RIMS2: variants seen among roughly 807,000 people sequenced by gnomAD.
RIMS2 encodes regulating synaptic membrane exocytosis protein 2.
RIMS2 carries 59 observed loss-of-function variants against 174.4 expected under a neutral mutation model. The observed-to-expected ratio is 0.34, with a 90% CI of 0.27 to 0.42. The LOEUF (loss-of-function observed/expected upper bound fraction) is 0.42, where lower values mean the gene tolerates loss of function less well. RIMS2 is among the 10% of genes least tolerant of loss of function. The pLI, the probability that RIMS2 is intolerant of heterozygous loss-of-function variation, is 1.00. For missense variants in RIMS2, 1,620 were observed against 1,666.3 expected, an observed-to-expected ratio of 0.97 and a Z score of 0.48; for synonymous variants, 606 against 572.5, an observed-to-expected ratio of 1.06 and a Z score of -0.84.
rs529732004 is a variant in RIMS2, at chr8:103,564,311, T to A, written c.176+63249T>A. Reference sequence around the variant, plus strand: ...CTTCAAAGTAGTCACTTTGGGAGACTATGGTTTTATTCCAGCCATCTGTCA... The same window carrying A: ...CTTCAAAGTAGTCACTTTGGGAGACAATGGTTTTATTCCAGCCATCTGTCA... On this transcript the variant is annotated intron_variant, in intron 1 of 23. Transcript: ENST00000504942. Among the ~76,000 whole-genome samples the A allele has an allele frequency of 8.5e-5, 13 of 152,306 alleles. No individual in the cohort carries two copies. The East Asian group carries it at 2.3e-3, about 27-fold the overall frequency.
intron 1 of RIMS2, among the ~76,000 whole-genome samples, chr8:103,685,111 T>C (rs1244275236): frequency 1.3e-5 from 2 of 151,854 alleles, no homozygotes; most frequent in African/African-American, 2.4e-5. Context: ...TTTCTTTTTT[T>C]TTTTTGGATT....
intron 1 of RIMS2, among the ~76,000 whole-genome samples, chr8:103,625,903 GTATATATTATA>G (rs2095770291): frequency 6.6e-6 from 1 of 151,340 alleles, no homozygotes; most frequent in South Asian, 2.1e-4. Flanking sequence ...GTGTATGTGT[GTATATATTATA>G]TATATACACA....
intron 1 of RIMS2, among the ~76,000 whole-genome samples, chr8:103,695,941 T>C (rs2137244186): frequency 6.6e-6 from 1 of 152,288 alleles, no homozygotes; most frequent in Middle Eastern, 3.4e-3. Context: ...TGTTTATATT[T>C]GGTAGTTGAT....
intron 3 of RIMS2, among the ~76,000 whole-genome samples, chr8:103,777,200 A>G (rs900696248): frequency 1.4e-4 from 22 of 152,060 alleles, no homozygotes; most frequent in African/African-American, 5.3e-4. Flanking sequence ...GTAGATAAGT[A>G]AAAAAGCTTA....
chr8:103,988,519 G>T (rs2094497822), intron 16 of RIMS2, among the ~76,000 whole-genome samples: 1 of 152,172 alleles, frequency 6.6e-6, no homozygotes, highest in African/African-American at 2.4e-5. Flanking sequence ...AAGTGCAATG[G>T]TGGGATCTCT....
intron 1 of RIMS2, among the ~76,000 whole-genome samples, chr8:103,668,537 T>C (rs2096703962): frequency 6.6e-6 from 1 of 151,820 alleles, no homozygotes; most frequent in Admixed American, 6.6e-5. Context: ...ATTTTGGTAA[T>C]TTAGAAGAGT....
At chr8:104,058,061 T>C (rs2096906109) in intron 19 of RIMS2, among the ~76,000 whole-genome samples, 2 of 151,376 alleles carry the variant, frequency 1.3e-5, no homozygotes, top group Admixed American at 1.3e-4. Context: ...CAGCATGATT[T>C]ATAGTCCTTT....
At chr8:103,507,899 A>G (rs1824469483) in intron 1 of RIMS2, among the ~76,000 whole-genome samples, 1 of 152,140 alleles carries the variant, frequency 6.6e-6, no homozygotes, top group African/African-American at 2.4e-5. Context: ...AGGGACAGAT[A>G]ATCTAAGGCC....
intron 1 of RIMS2, among the ~76,000 whole-genome samples, chr8:103,674,328 A>G (rs2096781915): frequency 6.6e-6 from 1 of 152,166 alleles, no homozygotes; most frequent in South Asian, 2.1e-4. Context: ...TCTTTATAGC[A>G]ATGCCCTACT....
At chr8:103,807,385 A>C (rs1299641467) in intron 3 of RIMS2, among the ~76,000 whole-genome samples, 1 of 152,206 alleles carries the variant, frequency 6.6e-6, no homozygotes, top group Non-Finnish European at 1.5e-5. Context: ...GTAATTGGTG[A>C]GAACAATCTC....
chr8:103,971,263 G>C (rs1305900030), intron 15 of RIMS2, among the ~76,000 whole-genome samples: 1 of 151,998 alleles, frequency 6.6e-6, no homozygotes, highest in Non-Finnish European at 1.5e-5. Context: ...ACAGATGTTT[G>C]TTTATTTTTA....
chr8:103,820,061 A>T (rs2098742511), intron 3 of RIMS2, among the ~76,000 whole-genome samples: 1 of 152,110 alleles, frequency 6.6e-6, no homozygotes, highest in South Asian at 2.1e-4. Flanking sequence ...GGTTTAAGAC[A>T]TTTCTCTATG....
rs193034895 is a variant in RIMS2 at position 104,026,509 on chromosome 8, C to T, written c.3334+11894C>T. 4.1e-3 allele frequency among the ~76,000 whole-genome samples: 616 copies of T among 152,070 alleles called. 1 individual carries two copies. The highest frequency in any genetic ancestry group is 0.014 in the African/African-American group (574 of 41,472). On this transcript the variant is annotated intron_variant, in intron 19 of 23. Transcript: ENST00000504942. The stretch of plus-strand genomic sequence containing the variant: ...TATAGACTAAAGCCTACCGTATCAC[C>T]TATTAAAAAGTCAGATCCCTGAAAA...
intron 3 of RIMS2, among the ~76,000 whole-genome samples, chr8:103,841,986 GAAAT>G (rs2098942792): frequency 6.6e-6 from 1 of 151,896 alleles, no homozygotes; most frequent in South Asian, 2.1e-4. Flanking sequence ...AAGAAAAAAA[GAAAT>G]AGATAGCTTT....
chr8:103,749,334 G>C (rs890457271), intron 2 of RIMS2, among the ~76,000 whole-genome samples: 8 of 147,034 alleles, frequency 5.4e-5, no homozygotes, highest in Non-Finnish European at 9.0e-5. Flanking sequence ...GGATGGTCTC[G>C]ATCTCCTGAC....
At chr8:103,789,466 G>T (rs1315397269) in intron 3 of RIMS2, among the ~76,000 whole-genome samples, 2 of 152,096 alleles carry the variant, frequency 1.3e-5, no homozygotes, top group Non-Finnish European at 2.9e-5. Context: ...GTCAACCAAG[G>T]AGGGACCTTA....
At chr8:104,091,712 A>G (rs910062136) in intron 19 of RIMS2, among the ~76,000 whole-genome samples, 10 of 151,186 alleles carry the variant, frequency 6.6e-5, no homozygotes, top group African/African-American at 1.9e-4. Context: ...TTTAAATGCT[A>G]TTCTAGGCAA....
intron 1 of RIMS2, among the ~76,000 whole-genome samples, chr8:103,611,397 G>T (rs971917348): frequency 1.3e-5 from 2 of 152,080 alleles, no homozygotes; most frequent in African/African-American, 4.8e-5. Context: ...CATGCTTAGT[G>T]AGTTTTGTGT....
At chr8:103,644,765 C>CAT (rs1309212613) in intron 1 of RIMS2, among the ~76,000 whole-genome samples, 1 of 151,164 alleles carries the variant, frequency 6.6e-6, no homozygotes, top group Admixed American at 6.6e-5. Context: ...TTATACATTT[C>CAT]ATATATAGAT....
Sources: allele counts gnomAD v4.1 joint callset (sites outside exome capture counted in the v4.1 genomes callset), GRCh38; gene constraint gnomAD v4.1.1; transcripts MANE v1.5; gene names NCBI Gene and HGNC (gene_info 2026-07-23, HGNC 2026-07-21).